Variants in MSANTD1 observed in about 807,000 individuals in gnomAD.
MSANTD1 encodes Myb/SANT DNA binding domain containing 1.
In MSANTD1, 7 loss-of-function variants were observed where a neutral mutation model predicts 24.2. The ratio of observed to expected loss-of-function variants is 0.29; its 90% confidence interval spans 0.16 to 0.54. The LOEUF (loss-of-function observed/expected upper bound fraction) is 0.54, where lower values mean the gene tolerates loss of function less well. MSANTD1 is among the 20% of genes least tolerant of loss of function. MSANTD1 has a pLI of 0.94. For missense variants in MSANTD1, 384 were observed against 408.2 expected (o/e 0.94, Z 0.51); for synonymous variants, 177 against 181.1 (o/e 0.98, Z 0.18).
rs1455049113 is a variant in MSANTD1, at chr4:3,249,262, C to T, written c.40C>T (p.Leu14Phe). 2 of 1,484,892 alleles carry T rather than the reference C, an allele frequency of 1.3e-6. No homozygotes were observed. Among genetic ancestry groups the T allele is most frequent in the Admixed American group, 2.3e-5 (1 of 43,462 alleles). The allele number at this position is 1,484,892 out of a possible 1,614,324, so 92.0% of individuals were successfully genotyped here. A position where few individuals can be genotyped will look rare whatever the true frequency, so the allele number is the denominator to read the frequency against. The change falls in exon 1 of 3, where the codon CTC becomes TTC. Residue 14 changes from leucine to phenylalanine, a missense_variant. Transcript: ENST00000438480. Reference protein sequence around the residue: ...GAGPGPSLSALSHPTGASGMA... With the variant: ...GAGPGPSLSAFSHPTGASGMA... ...CGGGCCGGGGCCCTCGCTGAGCGCG[C>T]TCTCTCACCCCACAGGCGCCTCCGG...
In MSANTD1 at chr4:3,255,692, C is replaced by T. The variant is rs1438354208; in HGVS notation, c.597-33C>T. The T allele has an allele frequency of 6.7e-6, 10 of 1,497,070 alleles. No individual in the cohort carries two copies. The South Asian group carries it at 1.3e-4, about 20-fold the overall frequency. The allele number at this position is 1,497,070 out of a possible 1,614,324, so 92.7% of individuals were successfully genotyped here. A position where few individuals can be genotyped will look rare whatever the true frequency, so the allele number is the denominator to read the frequency against. ...CCCCTGGTGTGCCCAGGCTCTGTGG[C>T]CAGCACGTCCACAGCCGGCACTGTC... On this transcript the variant is annotated intron_variant, in intron 2 of 2. Coordinates refer to ENST00000438480, the MANE Select transcript of MSANTD1 (RefSeq NM_001042690.2).
intron 2 of MSANTD1, among the ~76,000 whole-genome samples, chr4:3,254,991 C>A (rs1012731529): frequency 7.9e-5 from 12 of 152,186 alleles, no homozygotes; most frequent in African/African-American, 2.9e-4. Flanking sequence ...ACCCCCCACC[C>A]CTGCCTTCAT....
At chr4:3,245,334 T>A (rs1175746343), upstream of MSANTD1, 1 of 152,574 alleles carries the variant, frequency 6.6e-6, no homozygotes, top group African/African-American at 2.4e-5. Context: ...TGATTTTGGC[T>A]GCTACTGGCT....
Position 3,256,195 on chromosome 4 carries a change from C to T in MSANTD1, c.*230C>T, listed in dbSNP as rs892022440. Reference sequence around the variant, plus strand: ...ATGAATGCCCTTCCTCGGACACAGGCCAGGGCCTCTGGGGTTCACTCCGAG... The same window carrying T: ...ATGAATGCCCTTCCTCGGACACAGGTCAGGGCCTCTGGGGTTCACTCCGAG... On this transcript the variant is annotated 3_prime_UTR_variant, in exon 3 of 3. Coordinates refer to ENST00000438480, the MANE Select transcript of MSANTD1 (RefSeq NM_001042690.2). 1.1e-5 allele frequency: 5 copies of T among 470,204 alleles called. No individual in the cohort carries two copies. In the East Asian group the frequency reaches 1.9e-4, roughly 18 times the overall value. 29.1% of individuals were successfully genotyped at this position (470,204 alleles called of 1,614,324 possible).
chr4:3,255,869 G>C lies in MSANTD1; in HGVS notation c.741G>C (p.Val247=), dbSNP rs1312462023. Residue 247 remains valine, a synonymous_variant, in exon 3 of 3, where the codon GTG becomes GTC. Coordinates refer to ENST00000438480, the MANE Select transcript of MSANTD1 (RefSeq NM_001042690.2). ...AGACCTGCCGCGAGGTGCGCCGCGT[G>C]CTGGACCAGCAGCACATCCTGCAGG... ...VEETCREVRR[V]LDQQHILQVQ... 6.5e-7 allele frequency: 1 copy of C among 1,545,376 alleles called. No individual in the cohort carries two copies. Among genetic ancestry groups the C allele is most frequent in the Non-Finnish European group, 8.7e-7 (1 of 1,146,402 alleles).
chr4:3,249,609 C>G, intron 1 of MSANTD1, 67 bp downstream of exon 1: 1 of 1,445,940 alleles, frequency 6.9e-7, no homozygotes, highest in Non-Finnish European at 9.4e-7. Flanking sequence ...CCGCTCCTGA[C>G]TTTCTTGGAG....
In MSANTD1 at chr4:3,253,414, C is replaced by A. The variant is rs776064106; in HGVS notation, c.528C>A (p.Cys176Ter). The stretch of plus-strand genomic sequence containing the variant: ...CTCTGTACTTCCCGTATAACCAGTG[C>A]TCCTACGAAGGCCGCTTCGAGGATG... ...STPLYFPYNQ[C>*]SYEGRFEDDR... The change falls in exon 2 of 3, where the codon TGC becomes TGA. Residue 176 changes from cysteine to a stop codon, truncating the protein, a stop_gained. Coordinates refer to ENST00000438480, the MANE Select transcript of MSANTD1 (RefSeq NM_001042690.2). LOFTEE classifies it high-confidence loss of function. 1 of 1,598,552 alleles carries A rather than the reference C, an allele frequency of 6.3e-7. No individual in the cohort carries two copies. Among genetic ancestry groups the A allele is most frequent in the Admixed American group, 1.7e-5 (1 of 58,158 alleles).
At chr4:3,255,639 G>A in intron 2 of MSANTD1, 86 bp from the exon 3 acceptor site, 1 of 1,425,800 alleles carries the variant, frequency 7.0e-7, no homozygotes, top group Non-Finnish European at 9.2e-7. Context: ...CATTTGCCCA[G>A]TAGGATTGTC....
rs554512596 is a variant in MSANTD1 at position 3,256,579 on chromosome 4, A to C, written c.*614A>C. On this transcript the variant is annotated 3_prime_UTR_variant, in exon 3 of 3. Transcript: ENST00000438480. Reference sequence around the variant, plus strand: ...TGTTTCCACTGCCTCCTTAGCAATGACACTAATAAAAGTCGTAACACCTGT... The same window carrying C: ...TGTTTCCACTGCCTCCTTAGCAATGCCACTAATAAAAGTCGTAACACCTGT... 6.6e-6 allele frequency: 1 copy of C among 152,262 alleles called. No individual in the cohort carries two copies. The highest frequency in any genetic ancestry group is 1.5e-5 in the Non-Finnish European group (1 of 68,078). 9.4% of individuals were successfully genotyped at this position (152,262 alleles called of 1,614,324 possible).
At chr4:3,246,766 T>C, upstream of MSANTD1, 1 of 636,412 alleles carries the variant, frequency 1.6e-6, no homozygotes, top group East Asian at 2.9e-5. Context: ...TGCCTGGTTC[T>C]TGTCCTCACA....
chr4:3,252,322 G>A (rs1722252882), intron 1 of MSANTD1, among the ~76,000 whole-genome samples: 1 of 152,230 alleles, frequency 6.6e-6, no homozygotes, highest in Non-Finnish European at 1.5e-5. Context: ...CGAGGCCCAG[G>A]GGAGGCCTGG....
chr4:3,247,104 T>A (rs183134859), upstream of MSANTD1, among the ~76,000 whole-genome samples: 349 of 152,226 alleles, frequency 2.3e-3, 2 homozygotes, highest in Middle Eastern at 6.8e-3. Context: ...CCCCAGCAGC[T>A]CCAAGGTGGA....
intron 2 of MSANTD1, among the ~76,000 whole-genome samples, chr4:3,254,025 C>T (rs914121892): frequency 3.3e-5 from 5 of 152,238 alleles, no homozygotes; most frequent in African/African-American, 1.2e-4. Flanking sequence ...GTGCTGGCCA[C>T]GTGACTGTGC....
upstream of MSANTD1, chr4:3,247,866 G>C: frequency 6.6e-6 from 1 of 152,294 alleles, no homozygotes; most frequent in East Asian, 1.9e-4. Flanking sequence ...CTTCCCCTGA[G>C]AGCCTCGGTC....
intron 1 of MSANTD1, among the ~76,000 whole-genome samples, chr4:3,250,295 C>CA: frequency 6.6e-6 from 1 of 152,224 alleles, no homozygotes; most frequent in African/African-American, 2.4e-5. Flanking sequence ...TGGGCCCTTC[C>CA]TGCCCTGGCA....
chr4:3,253,421 G>A lies in MSANTD1; in HGVS notation c.535G>A (p.Glu179Lys), dbSNP rs1021225291. 5 of 1,594,312 alleles carry A rather than the reference G, an allele frequency of 3.1e-6. No homozygotes were observed. The highest frequency in any genetic ancestry group is 4.3e-6 in the Non-Finnish European group (5 of 1,168,868). Residue 179 changes from glutamate to lysine, a missense_variant, in exon 2 of 3, where the codon GAA (glutamate) becomes AAA (lysine). Coordinates refer to ENST00000438480, the MANE Select transcript of MSANTD1 (RefSeq NM_001042690.2). ...LYFPYNQCSYEGRFEDDRSDS... is the reference protein window; with the variant it reads ...LYFPYNQCSYKGRFEDDRSDS... ...CTTCCCGTATAACCAGTGCTCCTAC[G>A]AAGGCCGCTTCGAGGATGATCGCTC...
Position 3,249,249 on chromosome 4 carries a change from C to G in MSANTD1, c.27C>G (p.Pro9=), listed in dbSNP as rs1560615643. The G allele has an allele frequency of 6.9e-7, 1 of 1,453,726 alleles. No homozygotes were observed. The highest frequency in any genetic ancestry group is 9.1e-7 in the Non-Finnish European group (1 of 1,102,272). 90.1% of individuals were successfully genotyped at this position (1,453,726 alleles called of 1,614,324 possible). ...TGGTGCGTGGGGCCGGGCCGGGGCC[C>G]TCGCTGAGCGCGCTCTCTCACCCCA... The part of the protein sequence containing the change: MVRGAGPG[P]SLSALSHPTG... Residue 9 remains proline, a synonymous_variant, in exon 1 of 3, where the codon CCC becomes CCG. Transcript: ENST00000438480.
intron 2 of MSANTD1, among the ~76,000 whole-genome samples, chr4:3,255,361 T>C (rs1337466306): frequency 6.6e-6 from 1 of 151,804 alleles, no homozygotes; most frequent in African/African-American, 2.4e-5. Context: ...GTAGCTGGGA[T>C]TACAGGCACC....
chr4:3,250,688 G>C (rs1281742172), intron 1 of MSANTD1, among the ~76,000 whole-genome samples: 1 of 152,182 alleles, frequency 6.6e-6, no homozygotes, highest in Non-Finnish European at 1.5e-5. Flanking sequence ...GGGGCTGCCG[G>C]AGAGCCTGTC....
Sources: allele counts gnomAD v4.1 joint callset (sites outside exome capture counted in the v4.1 genomes callset), GRCh38; gene constraint gnomAD v4.1.1; transcripts MANE v1.5; gene names NCBI Gene and HGNC (gene_info 2026-07-23, HGNC 2026-07-21).